Variants in FAR2 observed in about 807,000 individuals in gnomAD.
FAR2 encodes fatty acyl-CoA reductase 2, also known as epididymis secretory protein Li 81.
A neutral mutation model predicts 56.0 loss-of-function variants in FAR2; 19 were observed. The observed-to-expected ratio is 0.34, with a 90% CI of 0.24 to 0.50. FAR2 has a LOEUF of 0.50. Ranked by LOEUF, FAR2 falls within the 20% of genes least tolerant of loss-of-function variation. The pLI is 0.98. For synonymous variants in FAR2, 219 were observed against 218.8 expected (o/e 1.00, Z -0.01); for missense variants, 508 against 642.2 (o/e 0.79, Z 2.26).
chr12:29,180,783 T>C lies in FAR2; in HGVS notation c.-39+31376T>C, dbSNP rs1949985012. On this transcript the variant is annotated intron_variant, in intron 1 of 11. Transcript: ENST00000536681. ...TATCTATCTATCTATTCTCTATCTG[T>C]AAAATCGCCTTTGACTTCCATTCAT... Among the ~76,000 whole-genome samples, 3 of 151,804 alleles carry C rather than the reference T, an allele frequency of 2.0e-5. No individual in the cohort carries two copies. The South Asian group carries it at 6.2e-4, about 32-fold the overall frequency.
Position 29,293,471 on chromosome 12 carries a change from C to T in FAR2, c.361C>T (p.Leu121Phe). ...AGCCACTGTACGCTTTGACGACACTCTCAGGTACATTCCCATTTCCCTCTC... is the reference window on the plus strand; with the variant it reads ...AGCCACTGTACGCTTTGACGACACTTTCAGGTACATTCCCATTTCCCTCTC... ...CAATVRFDDT[L>F]RHAVQLNVTA... Residue 121 changes from leucine to phenylalanine, a missense_variant, in exon 3 of 12, where the codon CTC becomes TTC. Leu to Phe is a conservative substitution (Grantham distance 22). Transcript: ENST00000536681. 1 of 1,551,188 alleles carries T rather than the reference C, an allele frequency of 6.4e-7. No individual in the cohort carries two copies. The highest frequency in any genetic ancestry group is 8.7e-7 in the Non-Finnish European group (1 of 1,148,772).
intron 1 of FAR2, among the ~76,000 whole-genome samples, chr12:29,217,718 T>C (rs1212612415): frequency 6.6e-6 from 1 of 152,192 alleles, no homozygotes; most frequent in Non-Finnish European, 1.5e-5. Flanking sequence ...GAGAAAAATA[T>C]ATTTACTCCC....
Position 29,244,844 on chromosome 12 carries a change from A to G in FAR2, c.-38-25568A>G, listed in dbSNP as rs372090406. Among the ~76,000 whole-genome samples the G allele has an allele frequency of 4.6e-5, 7 of 152,356 alleles. No homozygotes were observed. In the East Asian group the frequency reaches 1.2e-3, roughly 25 times the overall value. On this transcript the variant is annotated intron_variant, in intron 1 of 11. Transcript: ENST00000536681. ...CCTTAAAGAACTTGTACAGCAGAAA[A>G]TCATGGACACAAATATACAAGATCA... is the stretch of plus-strand genomic sequence containing the variant.
At chr12:29,194,298 G>A (rs1459026476) in intron 1 of FAR2, among the ~76,000 whole-genome samples, 1 of 152,118 alleles carries the variant, frequency 6.6e-6, no homozygotes, top group African/African-American at 2.4e-5. Flanking sequence ...TCAGCATCAT[G>A]TTAGCATTGA....
intron 1 of FAR2, among the ~76,000 whole-genome samples, chr12:29,242,656 G>A (rs1384225424): frequency 6.6e-6 from 1 of 152,204 alleles, no homozygotes; most frequent in Non-Finnish European, 1.5e-5. Context: ...AATTGCATTT[G>A]TCTGCAAAAC....
chr12:29,258,392 G>C (rs1433715266), intron 1 of FAR2, among the ~76,000 whole-genome samples: 1 of 151,982 alleles, frequency 6.6e-6, no homozygotes, highest in Admixed American at 6.6e-5. Context: ...ATATGTAATA[G>C]ACATTACATA....
At chr12:29,176,330 C>T (rs1467771933) in intron 1 of FAR2, among the ~76,000 whole-genome samples, 1 of 152,190 alleles carries the variant, frequency 6.6e-6, no homozygotes, top group Non-Finnish European at 1.5e-5. Context: ...TCATCAGAGC[C>T]ACTGGCCTGT....
chr12:29,256,377 G>A (rs866576808), intron 1 of FAR2, among the ~76,000 whole-genome samples: 25 of 152,090 alleles, frequency 1.6e-4, no homozygotes, highest in Middle Eastern at 3.4e-3. Context: ...TAGTAGAGAC[G>A]GGGTCTCACT....
At chr12:29,297,351 G>A in intron 4 of FAR2, 151 bp downstream of exon 4, 2 of 684,306 alleles carry the variant, frequency 2.9e-6, no homozygotes, top group Non-Finnish European at 4.8e-6. Flanking sequence ...CCTTGTCCCT[G>A]CTAGTTCTGG....
intron 1 of FAR2, among the ~76,000 whole-genome samples, chr12:29,218,150 A>G (rs999431795): frequency 6.6e-6 from 1 of 152,112 alleles, no homozygotes; most frequent in Non-Finnish European, 1.5e-5. Flanking sequence ...AGGTCAGGAG[A>G]TCCAGACCAT....
At chr12:29,311,179 C>T in intron 7 of FAR2, 33 bp downstream of exon 7, 1 of 1,435,080 alleles carries the variant, frequency 7.0e-7, no homozygotes, top group Non-Finnish European at 9.8e-7. Flanking sequence ...TCAAAGACTT[C>T]ATGAGGGGCA....
At chr12:29,270,289 C>T (rs1421151480) in intron 1 of FAR2, 123 bp from the exon 2 acceptor site, 1 of 627,534 alleles carries the variant, frequency 1.6e-6, no homozygotes. Flanking sequence ...CCACGATGCT[C>T]TCACTGTCTG....
intron 1 of FAR2, among the ~76,000 whole-genome samples, chr12:29,156,091 G>T (rs1251723897): frequency 6.6e-6 from 1 of 152,134 alleles, no homozygotes; most frequent in Non-Finnish European, 1.5e-5. Context: ...AAGTGGTAGG[G>T]GTGCAGGGTG....
At chr12:29,243,633 A>G (rs958552034) in intron 1 of FAR2, among the ~76,000 whole-genome samples, 2 of 152,106 alleles carry the variant, frequency 1.3e-5, no homozygotes, top group Non-Finnish European at 2.9e-5. Context: ...TTATGTTGAT[A>G]TATCCTGGTC....
chr12:29,270,294 T>C, intron 1 of FAR2, 118 bp from the exon 2 acceptor site: 2 of 665,396 alleles, frequency 3.0e-6, no homozygotes, highest in Non-Finnish European at 4.9e-6. Flanking sequence ...ATGCTCTCAC[T>C]GTCTGACCTA....
chr12:29,238,162 A>G (rs1947969245), intron 1 of FAR2, among the ~76,000 whole-genome samples: 1 of 152,120 alleles, frequency 6.6e-6, no homozygotes, highest in Non-Finnish European at 1.5e-5. Context: ...TTATCTAAAA[A>G]AGGCTTTTTA....
At chr12:29,300,091 T>C (rs1003442606) in intron 4 of FAR2, among the ~76,000 whole-genome samples, 2 of 152,178 alleles carry the variant, frequency 1.3e-5, no homozygotes, top group African/African-American at 4.8e-5. Flanking sequence ...GAAAAGCTTT[T>C]GGTGGCATAG....
rs967465285 is a variant in FAR2, at chr12:29,307,841, C to A, written c.723+6C>A. ...CTTGGCAGGAGCCTTTCCCAGTAAG[C>A]CCACTTACCTGGATTCTGTGTTTTG... On this transcript the variant is annotated splice_donor_region_variant and intron_variant, in intron 5 of 11. Coordinates refer to ENST00000536681, the MANE Select transcript of FAR2 (RefSeq NM_001271783.2). 2 of 1,606,604 alleles carry A rather than the reference C, an allele frequency of 1.2e-6. No homozygotes were observed. The highest frequency in any genetic ancestry group is 4.5e-4 in the Middle Eastern group (2 of 4,454).
At chr12:29,169,475 G>A (rs1164709329) in intron 1 of FAR2, among the ~76,000 whole-genome samples, 1 of 152,262 alleles carries the variant, frequency 6.6e-6, no homozygotes, top group Non-Finnish European at 1.5e-5. Flanking sequence ...CAAGATGGCA[G>A]TCACGGGACC....
Sources: gnomAD v4.1 joint callset for allele counts (sites outside exome capture counted in the v4.1 genomes callset) on GRCh38, gnomAD v4.1.1 for gene constraint, MANE v1.5 for transcripts, NCBI Gene and HGNC (gene_info 2026-07-23, HGNC 2026-07-21) for gene names.